CADM2: variants seen among roughly 807,000 people sequenced by gnomAD.
The protein encoded by CADM2 is cell adhesion molecule 2.
CADM2 carries 12 observed loss-of-function variants against 49.8 expected under a neutral mutation model. The ratio of observed to expected loss-of-function variants is 0.24; its 90% CI spans 0.15 to 0.39. The LOEUF is 0.39. Among genes scored for constraint, CADM2 ranks in the 10% least tolerant of loss-of-function variants. The probability of loss-of-function intolerance (pLI) is 1.00; values close to 1 mark genes in which losing one functional copy is unlikely to be tolerated. For synonymous variants in CADM2, 214 were observed against 175.4 expected (o/e 1.22, Z -1.74); for missense variants, 378 against 492.3 (o/e 0.77, Z 2.20).
intron 3 of CADM2, among the ~76,000 whole-genome samples, chr3:85,862,901 T>C (rs1037383808): frequency 1.3e-5 from 2 of 152,152 alleles, no homozygotes; most frequent in African/African-American, 4.8e-5. Flanking sequence ...CTCAAATTTT[T>C]TTTTACCTGA....
intron 3 of CADM2, among the ~76,000 whole-genome samples, chr3:85,827,649 A>G (rs10511067): frequency 0.4 from 60,329 of 151,734 alleles, 12,286 homozygotes; most frequent in East Asian, 0.57. Context: ...GAGACAACTG[A>G]TTAGAAAAGT....
intron 2 of CADM2, among the ~76,000 whole-genome samples, chr3:85,737,815 C>T (rs2068206294): frequency 6.6e-6 from 1 of 152,142 alleles, no homozygotes; most frequent in African/African-American, 2.4e-5. Flanking sequence ...GCCGCTGCCT[C>T]CCAAACTGCT....
chr3:85,063,712 T>C (rs1376116059), intron 1 of CADM2, among the ~76,000 whole-genome samples: 2 of 151,992 alleles, frequency 1.3e-5, no homozygotes, highest in South Asian at 2.1e-4. Context: ...TTTATTAATA[T>C]TTTGAAATGG....
chr3:85,233,343 A>C (rs1360379742), intron 1 of CADM2, among the ~76,000 whole-genome samples: 3 of 152,112 alleles, frequency 2.0e-5, no homozygotes, highest in Non-Finnish European at 2.9e-5. Flanking sequence ...CAGAACCCAT[A>C]GGCCTTTATA....
At chr3:85,551,527 A>G (rs11925844) in intron 1 of CADM2, among the ~76,000 whole-genome samples, 37,903 of 151,944 alleles carry the variant, frequency 0.25, 4,841 homozygotes, top group East Asian at 0.3. Context: ...TCATTTCTTT[A>G]AAGTTCCAAG....
At chr3:85,074,047 A>G (rs561218116) in intron 1 of CADM2, among the ~76,000 whole-genome samples, 5 of 152,162 alleles carry the variant, frequency 3.3e-5, no homozygotes, top group Non-Finnish European at 7.4e-5. Context: ...TGCATTAGCC[A>G]CATTTTGAAG....
At chr3:85,798,241 T>G (rs2071748588) in intron 2 of CADM2, among the ~76,000 whole-genome samples, 1 of 152,224 alleles carries the variant, frequency 6.6e-6, no homozygotes, top group South Asian at 2.1e-4. Context: ...TGATGATAGT[T>G]TCTTTCGCTG....
chr3:85,996,104 A>C (rs980292596), intron 8 of CADM2, among the ~76,000 whole-genome samples: 1 of 150,426 alleles, frequency 6.6e-6, no homozygotes, highest in African/African-American at 2.4e-5. Context: ...AAAAAAATAA[A>C]AAATAAAAAT....
intron 1 of CADM2, among the ~76,000 whole-genome samples, chr3:85,449,392 C>T (rs980368083): frequency 2.0e-5 from 3 of 151,836 alleles, no homozygotes; most frequent in African/African-American, 7.3e-5. Context: ...CATGAACTAT[C>T]AATGTATAAA....
intron 1 of CADM2, among the ~76,000 whole-genome samples, chr3:84,982,302 C>T (rs1241932603): frequency 6.6e-6 from 1 of 151,990 alleles, no homozygotes; most frequent in Non-Finnish European, 1.5e-5. Flanking sequence ...ATAAAATGGA[C>T]TCCAAATTTT....
chr3:85,838,785 C>A (rs974785291), intron 3 of CADM2, among the ~76,000 whole-genome samples: 2 of 151,524 alleles, frequency 1.3e-5, no homozygotes, highest in African/African-American at 4.8e-5. Context: ...TTTATTTACC[C>A]AGTTACAATA....
At chr3:85,653,623 A>T (rs938862074) in intron 1 of CADM2, among the ~76,000 whole-genome samples, 1 of 152,040 alleles carries the variant, frequency 6.6e-6, no homozygotes, top group African/African-American at 2.4e-5. Flanking sequence ...AAATATCCAA[A>T]TGAAGATGTT....
At chr3:85,277,933 A>G (rs1262457640) in intron 1 of CADM2, among the ~76,000 whole-genome samples, 1 of 151,280 alleles carries the variant, frequency 6.6e-6, no homozygotes, top group African/African-American at 2.4e-5. Flanking sequence ...TTAGGCTACA[A>G]TATTGATAGC....
rs1713638997 is a variant in CADM2, at chr3:85,886,247, T to C, written c.449T>C (p.Leu150Ser). ...GFSSPVMEGD[L>S]MQLTCKTSGS... Reference sequence around the variant, plus strand: ...TCATCACCAGTTATGGAGGGTGACTTGATGCAGCTGACTTGCAAAACATCT... The same window carrying C: ...TCATCACCAGTTATGGAGGGTGACTCGATGCAGCTGACTTGCAAAACATCT... The change falls in exon 5 of 10, where the codon TTG (leucine) becomes TCG (serine). Residue 150 changes from leucine (L) to serine (S), a missense_variant. Physicochemically the swap from Leu to Ser is moderately radical, Grantham distance 145 (BLOSUM62 -2). Transcript: ENST00000383699. The C allele has an allele frequency of 1.2e-6, 2 of 1,613,840 alleles. No homozygotes were observed. The highest frequency in any genetic ancestry group is 2.2e-5 in the South Asian group (2 of 91,082).
intron 1 of CADM2, among the ~76,000 whole-genome samples, chr3:85,252,884 T>G (rs1478662800): frequency 6.6e-6 from 1 of 152,032 alleles, no homozygotes; most frequent in Non-Finnish European, 1.5e-5. Flanking sequence ...ACATCATCAT[T>G]ATGTAAAATT....
chr3:85,057,303 A>T (rs9814390), intron 1 of CADM2, among the ~76,000 whole-genome samples: 111,721 of 151,944 alleles, frequency 0.74, 42,157 homozygotes, highest in African/African-American at 0.89. Flanking sequence ...TACCATTTTC[A>T]GAATTTTTTT....
chr3:85,884,749 G>A (rs1713317339), intron 4 of CADM2, among the ~76,000 whole-genome samples: 1 of 145,606 alleles, frequency 6.9e-6, no homozygotes, highest in South Asian at 2.2e-4. Flanking sequence ...TTTTTAAAAC[G>A]GAGTCTCACT....
chr3:85,002,903 A>G (rs1246960359), intron 1 of CADM2, among the ~76,000 whole-genome samples: 1 of 152,090 alleles, frequency 6.6e-6, no homozygotes, highest in African/African-American at 2.4e-5. Context: ...CTCCCACCTC[A>G]GCCTCCCAAA....
intron 1 of CADM2, among the ~76,000 whole-genome samples, chr3:84,973,006 C>A (rs995820973): frequency 6.6e-6 from 1 of 152,130 alleles, no homozygotes; most frequent in African/African-American, 2.4e-5. Flanking sequence ...CTTCCGCCTC[C>A]CAGGTTCAAG....
Sources: gnomAD v4.1 joint callset for allele counts (sites outside exome capture counted in the v4.1 genomes callset) on GRCh38, gnomAD v4.1.1 for gene constraint, MANE v1.5 for transcripts, NCBI Gene and HGNC (gene_info 2026-07-23, HGNC 2026-07-21) for gene names.